Variants in ZNF585A observed in about 807,000 individuals in gnomAD.
ZNF585A encodes zinc finger protein 585A.
ZNF585A carries 9 observed loss-of-function variants against 14.9 expected under a neutral mutation model. The ratio of observed to expected loss-of-function variants is 0.60; its 90% CI spans 0.36 to 1.05. The LOEUF (loss-of-function observed/expected upper bound fraction) is 1.05. Among genes scored for constraint, ZNF585A ranks in the 50% least tolerant of loss-of-function variants. The probability of loss-of-function intolerance (pLI) is 0.01; values close to 1 mark genes in which losing one functional copy is unlikely to be tolerated. For missense variants in ZNF585A, 726 were observed against 926.4 expected (o/e 0.78, Z 2.81); for synonymous variants, 276 against 319.9 (o/e 0.86, Z 1.46).
At chr19:37,161,780 T>G (rs1972017011) in intron 2 of ZNF585A, among the ~76,000 whole-genome samples, 1 of 152,242 alleles carries the variant, frequency 6.6e-6, no homozygotes. Flanking sequence ...TAACATTTTT[T>G]TCTCTAGCTT....
Position 37,152,631 on chromosome 19 carries a change from G to T in ZNF585A, c.1268C>A (p.Ala423Glu). 6.2e-7 allele frequency: 1 copy of T among 1,614,118 alleles called. No individual in the cohort carries two copies. Residue 423 changes from alanine (A) to glutamate (E), a missense_variant, in exon 5 of 5, where the codon GCA becomes GAA. Ala to Glu is a moderately radical substitution (Grantham distance 107). This residue lies in a region of ZNF585A where 483 missense variants were observed against 542.8 expected (regional missense o/e 0.89). Coordinates refer to ENST00000292841, the MANE Select transcript of ZNF585A (RefSeq NM_001288800.2). ...MKCGLAFIQKAHLIAHQIIHT... is the reference protein window; with the variant it reads ...MKCGLAFIQKEHLIAHQIIHT... ...AATTATTTGATGTGCAATCAAGTGT[G>T]CCTTCTGAATGAAGGCCAGTCCACA...
intron 2 of ZNF585A, among the ~76,000 whole-genome samples, chr19:37,167,581 A>C (rs1568499631): frequency 6.8e-6 from 1 of 146,326 alleles, no homozygotes; most frequent in Non-Finnish European, 1.5e-5. Context: ...AGAGCCTTTT[A>C]CTTTTTATTT....
chr19:37,156,499 T>C, intron 2 of ZNF585A, 144 bp from the exon 3 acceptor site: 3 of 1,158,682 alleles, frequency 2.6e-6, no homozygotes, highest in Non-Finnish European at 3.5e-6. Flanking sequence ...TAATACTTTA[T>C]TATGAAAATT....
In ZNF585A at chr19:37,151,277, A is replaced by T. The variant is rs1568492163; in HGVS notation, c.*312T>A. On this transcript the variant is annotated 3_prime_UTR_variant, in exon 5 of 5. Transcript: ENST00000292841. ...ACAGGATTATCGTTAACTTAATACGATCTTTCTTAGGAAGAATTTGGTAAC... is the reference window on the plus strand; with the variant it reads ...ACAGGATTATCGTTAACTTAATACGTTCTTTCTTAGGAAGAATTTGGTAAC... 6.7e-6 allele frequency: 3 copies of T among 446,560 alleles called. No individual in the cohort carries two copies. The highest frequency in any genetic ancestry group is 1.2e-5 in the Non-Finnish European group (3 of 254,250). The allele number at this position is 446,560 out of a possible 1,614,324, so 27.7% of individuals were successfully genotyped here. A position where few individuals can be genotyped will look rare whatever the true frequency, so the allele number is the denominator to read the frequency against.
chr19:37,156,952 A>T (rs1056131289), intron 2 of ZNF585A, among the ~76,000 whole-genome samples: 1 of 152,198 alleles, frequency 6.6e-6, no homozygotes, highest in East Asian at 1.9e-4. Context: ...TTGGCCTCCC[A>T]AAGTGCTGGG....
At chr19:37,155,990 A>T in intron 3 of ZNF585A, 33 bp from the exon 4 acceptor site, 1 of 1,613,420 alleles carries the variant, frequency 6.2e-7, no homozygotes, top group Non-Finnish European at 8.5e-7. Context: ...GTCTGGGTCC[A>T]GCTAATTGTG....
chr19:37,153,030 C>T lies in ZNF585A; in HGVS notation c.869G>A (p.Arg290Lys). 3 of 1,614,168 alleles carry T rather than the reference C, an allele frequency of 1.9e-6. No homozygotes were observed. Among genetic ancestry groups the T allele is most frequent in the Non-Finnish European group, 2.5e-6 (3 of 1,180,026 alleles). ...IQKTHLIAHRRIHTGEKPYEC... is the reference protein window; with the variant it reads ...IQKTHLIAHRKIHTGEKPYEC... ...ATATGGTTTTTCTCCAGTATGAATTCTTCGGTGTGCAATCAAATGGGTCTT... is the reference window on the plus strand; with the variant it reads ...ATATGGTTTTTCTCCAGTATGAATTTTTCGGTGTGCAATCAAATGGGTCTT... The change falls in exon 5 of 5, where the codon AGA (arginine) becomes AAA (lysine). Residue 290 changes from arginine (R) to lysine (K), a missense_variant. This residue lies in a region of ZNF585A where 483 missense variants were observed against 542.8 expected (regional missense o/e 0.89). Transcript: ENST00000292841.
intron 2 of ZNF585A, among the ~76,000 whole-genome samples, chr19:37,166,888 C>T (rs1427326425): frequency 3.9e-5 from 6 of 152,128 alleles, no homozygotes; most frequent in African/African-American, 1.4e-4. Context: ...GACTGGAGTA[C>T]AGTGGCATGA....
chr19:37,157,963 A>C (rs1971956696), intron 2 of ZNF585A, among the ~76,000 whole-genome samples: 1 of 146,744 alleles, frequency 6.8e-6, no homozygotes, highest in Non-Finnish European at 1.5e-5. Flanking sequence ...ATCTCGGCTC[A>C]CCGCAACCTC....
rs1014739395 is a variant in ZNF585A at position 37,145,630 on chromosome 19, T to G, written c.*5959A>C. 4 of 152,260 alleles carry G rather than the reference T, an allele frequency of 2.6e-5. No homozygotes were observed. The highest frequency in any genetic ancestry group is 9.6e-5 in the African/African-American group (4 of 41,474). 9.4% of individuals were successfully genotyped at this position (152,260 alleles called of 1,614,324 possible). ...TTCTTATATTGTCCTATTTCACAAA[T>G]GTAAACAGAGAGCACAATTTTTTGT... On this transcript the variant is annotated 3_prime_UTR_variant, in exon 5 of 5. Transcript: ENST00000292841.
Position 37,170,986 on chromosome 19 carries a change from T to C in ZNF585A, c.-144-932A>G, listed in dbSNP as rs1915489. Among the ~76,000 whole-genome samples the C allele has an allele frequency of 7.8e-3, 1,184 of 152,082 alleles. 22 individuals are homozygous for C. The highest frequency in any genetic ancestry group is 0.027 in the African/African-American group (1,139 of 41,456). ...GTAAAACAATAAATATACCAGACAA[T>C]ATTGATCTATATATGTGATAAAAGT... is the stretch of plus-strand genomic sequence containing the variant. On this transcript the variant is annotated intron_variant, in intron 1 of 4. Coordinates refer to ENST00000292841, the MANE Select transcript of ZNF585A (RefSeq NM_001288800.2).
chr19:37,166,481 G>A (rs764599108), intron 2 of ZNF585A, among the ~76,000 whole-genome samples: 2 of 151,540 alleles, frequency 1.3e-5, no homozygotes, highest in Non-Finnish European at 2.9e-5. Context: ...CACCACATCC[G>A]GCTAATTTTT....
rs1376817284 is a variant in ZNF585A, at chr19:37,153,345, G to T, written c.554C>A (p.Pro185His). 1 of 1,614,122 alleles carries T rather than the reference G, an allele frequency of 6.2e-7. No homozygotes were observed. The highest frequency in any genetic ancestry group is 1.3e-5 in the African/African-American group (1 of 75,024). The change falls in exon 5 of 5, where the codon CCC becomes CAC. Residue 185 changes from proline (P) to histidine (H), a missense_variant. Transcript: ENST00000292841. ...IHQKTHMREK[P>H]FKCNECGKSF... ...TTTTCCACATTCATTGCATTTAAAG[G>T]GTTTCTCTCTCATATGGGTTTTCTG...
At chr19:37,159,209 A>T (rs1971975256) in intron 2 of ZNF585A, among the ~76,000 whole-genome samples, 1 of 143,448 alleles carries the variant, frequency 7.0e-6, no homozygotes, top group African/African-American at 2.6e-5. Context: ...AGGTCGTGCC[A>T]CTGCACTCCA....
chr19:37,169,741 G>T, intron 2 of ZNF585A, 98 bp downstream of exon 2: 1 of 1,445,856 alleles, frequency 6.9e-7, no homozygotes, highest in Non-Finnish European at 9.5e-7. Context: ...TGCTTCCTGT[G>T]GCCCAGCTCC....
Position 37,149,017 on chromosome 19 carries a change from CAG to C in ZNF585A, c.*2570_*2571del, listed in dbSNP as rs1416328980. On this transcript the variant is annotated 3_prime_UTR_variant, in exon 5 of 5. Transcript: ENST00000292841. The stretch of plus-strand genomic sequence containing the variant: ...AGATGAAGGGATGACAGGCAGAACA[CAG>C]AGGATTTTTAGGGCAGTGAAACTAC... 2 of 152,156 alleles carry C rather than the reference CAG, an allele frequency of 1.3e-5. No individual in the cohort carries two copies. The highest frequency in any genetic ancestry group is 1.3e-4 in the Admixed American group (2 of 15,276). 9.4% of individuals were successfully genotyped at this position (152,156 alleles called of 1,614,324 possible).
chr19:37,154,472 T>TGTCTTAAACTGAAG (rs1971890666), intron 4 of ZNF585A, among the ~76,000 whole-genome samples: 1 of 152,154 alleles, frequency 6.6e-6, no homozygotes. Flanking sequence ...GATGATAGTG[T>TGTCTTAAACTGAAG]GTCTTAAACT....
chr19:37,150,706 T>G lies in ZNF585A; in HGVS notation c.*883A>C, dbSNP rs1200473241. 1 of 153,684 alleles carries G rather than the reference T, an allele frequency of 6.5e-6. No homozygotes were observed. Among genetic ancestry groups the G allele is most frequent in the African/African-American group, 2.4e-5 (1 of 41,366 alleles). 9.5% of individuals were successfully genotyped at this position (153,684 alleles called of 1,614,324 possible). A position where few individuals can be genotyped will look rare whatever the true frequency, so the allele number is the denominator to read the frequency against. On this transcript the variant is annotated 3_prime_UTR_variant, in exon 5 of 5. Coordinates refer to ENST00000292841, the MANE Select transcript of ZNF585A (RefSeq NM_001288800.2). ...AATCTGTTACATGAAAGTTACATCC[T>G]TAAGGAAGCCAGATACTAAGCTTCA...
chr19:37,172,198 CAGACATTACTT>C (rs1972193754), intron 1 of ZNF585A, among the ~76,000 whole-genome samples: 1 of 152,104 alleles, frequency 6.6e-6, no homozygotes, highest in Non-Finnish European at 1.5e-5. Flanking sequence ...GACCATTAAA[CAGACATTACTT>C]TAAAAAGGAA....
Sources: allele counts gnomAD v4.1 joint callset (sites outside exome capture counted in the v4.1 genomes callset), GRCh38; gene constraint gnomAD v4.1.1; regional missense constraint gnomAD v4.1.1; transcripts MANE v1.5; gene names NCBI Gene and HGNC (gene_info 2026-07-23, HGNC 2026-07-21).